The following ENOX1 variants were observed in gnomAD, a reference collection of about 807,000 sequenced individuals.
ENOX1 encodes candidate growth-related and time keeping constitutive hydroquinone (NADH) oxidase.
A neutral mutation model predicts 82.5 loss-of-function variants in ENOX1; 42 were observed. That is an observed-to-expected ratio of 0.51 (90% CI 0.40 to 0.66). The LOEUF is 0.66. Ranked by LOEUF, ENOX1 falls within the 30% of genes least tolerant of loss-of-function variation. The probability of loss-of-function intolerance (pLI) is 0.00; values close to 1 mark genes in which losing one functional copy is unlikely to be tolerated. For synonymous variants in ENOX1, 271 were observed against 282.2 expected (o/e 0.96, Z 0.40); for missense variants, 608 against 811.6 (o/e 0.75, Z 3.05).
chr13:43,399,096 T>C (rs1204741818), intron 5 of ENOX1, among the ~76,000 whole-genome samples: 1 of 152,086 alleles, frequency 6.6e-6, no homozygotes, highest in Admixed American at 6.6e-5. Flanking sequence ...CCCTTCCTTA[T>C]CATTTCTTAA....
intron 12 of ENOX1, among the ~76,000 whole-genome samples, chr13:43,284,496 C>T (rs1276050932): frequency 6.6e-6 from 1 of 151,948 alleles, no homozygotes; most frequent in African/African-American, 2.4e-5. Flanking sequence ...CTGAGTGATA[C>T]CTGGTTTAAA....
rs10555409 is a variant in ENOX1 at position 43,310,197 on chromosome 13, C to CAAAAAAAAA, written c.1262-11676_1262-11668dup. Among the ~76,000 whole-genome samples the CAAAAAAAAA allele has an allele frequency of 2.4e-5, 2 of 82,604 alleles. 1 individual carries two copies. Among genetic ancestry groups the CAAAAAAAAA allele is most frequent in the South Asian group, 9.2e-4 (2 of 2,174 alleles). 54.2% of individuals were successfully genotyped at this position (82,604 alleles called of 152,430 possible). A position where few individuals can be genotyped will look rare whatever the true frequency, so the allele number is the denominator to read the frequency against. On this transcript the variant is annotated intron_variant, in intron 11 of 16. Coordinates refer to ENST00000690772, the MANE Select transcript of ENOX1 (RefSeq NM_001347969.2). ...CTGGTGACAGAGCGAGATTCCATCT[C>CAAAAAAAAA]AAAAAAAAAAAAAAAAAAAAAAAAA...
intron 5 of ENOX1, among the ~76,000 whole-genome samples, chr13:43,381,070 A>G (rs575150708): frequency 6.6e-6 from 1 of 151,980 alleles, no homozygotes; most frequent in South Asian, 2.1e-4. Context: ...ACTGACATCT[A>G]TGGAGTACTT....
intron 5 of ENOX1, among the ~76,000 whole-genome samples, chr13:43,396,571 C>T (rs955119904): frequency 2.6e-5 from 4 of 151,914 alleles, no homozygotes; most frequent in East Asian, 3.9e-4. Flanking sequence ...AGTAGAGACA[C>T]GGTTTCACCA....
chr13:43,683,770 C>G (rs1157262330), intron 1 of ENOX1, among the ~76,000 whole-genome samples: 1 of 152,068 alleles, frequency 6.6e-6, no homozygotes, highest in East Asian at 1.9e-4. Flanking sequence ...CTTGGCGACA[C>G]CACCTTGACC....
rs191346172 is a variant in ENOX1, at chr13:43,444,655, A to T, written c.-74-31667T>A. Among the ~76,000 whole-genome samples the T allele has an allele frequency of 1.9e-3, 285 of 152,336 alleles. 2 individuals are homozygous for T. The highest frequency in any genetic ancestry group is 5.4e-3 in the East Asian group (28 of 5,182). On this transcript the variant is annotated intron_variant, in intron 3 of 16. Transcript: ENST00000690772. ...AACATATTTCATTTATTCACATTTTAAAAAAATCAAGTTAATTCATTCATA... is the reference window on the plus strand; with the variant it reads ...AACATATTTCATTTATTCACATTTTTAAAAAATCAAGTTAATTCATTCATA...
Position 43,269,563 on chromosome 13 carries a change from G to T in ENOX1, c.1461C>A (p.Ile487=). Residue 487 remains isoleucine, a synonymous_variant, in exon 13 of 17, where the codon ATC becomes ATA. Coordinates refer to ENST00000690772, the MANE Select transcript of ENOX1 (RefSeq NM_001347969.2). The part of the protein sequence containing the change: ...MQGMQQQLLT[I]QEELNNKKSE... Reference sequence around the variant, plus strand: ...ACTTTTTGTTGTTTAACTCCTCCTGGATGGTTAGCAATTGCTGTGAAATTA... The same window carrying T: ...ACTTTTTGTTGTTTAACTCCTCCTGTATGGTTAGCAATTGCTGTGAAATTA... 1 of 1,613,624 alleles carries T rather than the reference G, an allele frequency of 6.2e-7. No homozygotes were observed. Among genetic ancestry groups the T allele is most frequent in the Non-Finnish European group, 8.5e-7 (1 of 1,179,642 alleles).
At chr13:43,595,320 A>T (rs868860516) in intron 2 of ENOX1, among the ~76,000 whole-genome samples, 6 of 151,948 alleles carry the variant, frequency 3.9e-5, no homozygotes, top group Non-Finnish European at 7.4e-5. Flanking sequence ...TTCCTCCTTG[A>T]TTATCTAACT....
chr13:43,416,613 G>T (rs929146051), intron 3 of ENOX1, among the ~76,000 whole-genome samples: 7 of 149,888 alleles, frequency 4.7e-5, no homozygotes, highest in African/African-American at 1.7e-4. Flanking sequence ...TCCTAGACGG[G>T]GTGGCCAGGC....
At chr13:43,603,459 G>C (rs947311543) in intron 2 of ENOX1, among the ~76,000 whole-genome samples, 38 of 151,204 alleles carry the variant, frequency 2.5e-4, no homozygotes, top group Admixed American at 1.3e-3. Flanking sequence ...CATATGTATA[G>C]ATGTGCCATG....
At chr13:43,750,519 G>A (rs1443530774) in intron 1 of ENOX1, among the ~76,000 whole-genome samples, 2 of 152,160 alleles carry the variant, frequency 1.3e-5, no homozygotes, top group Non-Finnish European at 2.9e-5. Flanking sequence ...TACCTTCCAA[G>A]TCTCCAAGTA....
chr13:43,687,919 C>T (rs988244194), intron 1 of ENOX1, among the ~76,000 whole-genome samples: 6 of 152,030 alleles, frequency 3.9e-5, no homozygotes, highest in African/African-American at 1.4e-4. Flanking sequence ...ATAAGTGAGA[C>T]TTATCCAGGT....
chr13:43,530,328 G>A (rs948034244), intron 2 of ENOX1, among the ~76,000 whole-genome samples: 2 of 152,138 alleles, frequency 1.3e-5, no homozygotes, highest in Non-Finnish European at 2.9e-5. Context: ...AAGGAAAGGT[G>A]CTTCCATCCA....
chr13:43,388,405 GTTTC>G (rs1420369958), intron 5 of ENOX1, among the ~76,000 whole-genome samples: 2 of 152,184 alleles, frequency 1.3e-5, no homozygotes, highest in African/African-American at 4.8e-5. Flanking sequence ...AGAGTACAGT[GTTTC>G]TTTGTACTCC....
chr13:43,470,352 ATG>A (rs67320508), intron 3 of ENOX1, among the ~76,000 whole-genome samples: 13,931 of 39,490 alleles, frequency 0.35, 4,441 homozygotes, highest in South Asian at 0.71. Context: ...GTATATATAT[ATG>A]TATATATATA....
Position 43,269,463 on chromosome 13 carries a change from C to T in ENOX1, c.1554+7G>A. ...ATTCATAAATCAGAGCTGTTTCATT[C>T]ACTTACTTGTTCCTGCAGGACTTTT... On this transcript the variant is annotated splice_region_variant and intron_variant, in intron 13 of 16. Coordinates refer to ENST00000690772, the MANE Select transcript of ENOX1 (RefSeq NM_001347969.2). The T allele has an allele frequency of 1.2e-6, 2 of 1,608,514 alleles. No individual in the cohort carries two copies. Among genetic ancestry groups the T allele is most frequent in the South Asian group, 2.2e-5 (2 of 90,932 alleles).
chr13:43,698,404 C>T (rs775648180), intron 1 of ENOX1, among the ~76,000 whole-genome samples: 2 of 152,018 alleles, frequency 1.3e-5, no homozygotes, highest in Non-Finnish European at 2.9e-5. Context: ...CTCCAAAGAC[C>T]CTAACTGTTA....
chr13:43,708,776 T>C (rs1254549013), intron 1 of ENOX1, among the ~76,000 whole-genome samples: 3 of 152,106 alleles, frequency 2.0e-5, no homozygotes, highest in Non-Finnish European at 4.4e-5. Context: ...ATATAAAAAC[T>C]AAAAATATAA....
intron 2 of ENOX1, among the ~76,000 whole-genome samples, chr13:43,596,430 T>C (rs1406322557): frequency 1.3e-5 from 2 of 152,272 alleles, no homozygotes; most frequent in Non-Finnish European, 2.9e-5. Flanking sequence ...GCTTTAATCC[T>C]GTGGGTAGGA....
Sources: gnomAD v4.1 joint callset for allele counts (sites outside exome capture counted in the v4.1 genomes callset) on GRCh38, gnomAD v4.1.1 for gene constraint, MANE v1.5 for transcripts, NCBI Gene and HGNC (gene_info 2026-07-23, HGNC 2026-07-21) for gene names.